Variants in AP3B1 observed in about 807,000 individuals in gnomAD.
AP3B1 encodes the protein AP-3 complex subunit beta-1.
Under a neutral mutation model 132.5 loss-of-function variants are expected in AP3B1, and 61 were observed. The ratio of observed to expected loss-of-function variants is 0.46; its 90% CI spans 0.37 to 0.57. The LOEUF (loss-of-function observed/expected upper bound fraction) is 0.57. AP3B1 is among the 20% of genes least tolerant of loss of function. The pLI is 0.00. For missense variants in AP3B1, 1,120 were observed against 1,289.4 expected, an observed-to-expected ratio of 0.87 and a Z score of 2.01; for synonymous variants, 388 against 438.3, an observed-to-expected ratio of 0.89 and a Z score of 1.43.
chr5:78,096,892 T>C lies in AP3B1; in HGVS notation c.2470+4061A>G, dbSNP rs1358850705. Among the ~76,000 whole-genome samples the C allele has an allele frequency of 2.6e-4, 29 of 110,400 alleles. No individual in the cohort carries two copies. The South Asian group carries it at 3.1e-3, about 12-fold the overall frequency. The allele number at this position is 110,400 out of a possible 152,430, so 72.4% of individuals were successfully genotyped here. Reference sequence around the variant, plus strand: ...CCCCGTCCGGGAGGGAGGTAGGGGGTCAGCCCCCCGCCCGGCCAGCCGCCC... The same window carrying C: ...CCCCGTCCGGGAGGGAGGTAGGGGGCCAGCCCCCCGCCCGGCCAGCCGCCC... On this transcript the variant is annotated intron_variant, in intron 21 of 26. Coordinates refer to ENST00000255194, the MANE Select transcript of AP3B1 (RefSeq NM_003664.5).
intron 22 of AP3B1, among the ~76,000 whole-genome samples, chr5:78,081,401 G>A (rs568999249): frequency 7.0e-6 from 1 of 143,024 alleles, no homozygotes; most frequent in East Asian, 2.2e-4. Flanking sequence ...TCCGCCTCCC[G>A]GGTTCACGCC....
chr5:78,179,069 A>G (rs1314609218), intron 8 of AP3B1, among the ~76,000 whole-genome samples: 4 of 152,342 alleles, frequency 2.6e-5, no homozygotes, highest in South Asian at 2.1e-4. Context: ...AACTGCAAAT[A>G]TAAGTTGGTT....
At chr5:78,241,935 C>T (rs1203150005) in intron 2 of AP3B1, among the ~76,000 whole-genome samples, 2 of 152,154 alleles carry the variant, frequency 1.3e-5, no homozygotes, top group Admixed American at 6.6e-5. Flanking sequence ...AGAAGAGTAA[C>T]TAAGTCCTGC....
intron 2 of AP3B1, among the ~76,000 whole-genome samples, chr5:78,253,375 T>C (rs1747717743): frequency 1.3e-5 from 2 of 152,210 alleles, no homozygotes; most frequent in South Asian, 2.1e-4. Context: ...CACAGCATTA[T>C]TGGGCTTGGG....
intron 15 of AP3B1, among the ~76,000 whole-genome samples, chr5:78,137,843 A>G (rs1376841125): frequency 2.0e-5 from 3 of 152,218 alleles, no homozygotes. Flanking sequence ...ACAAATAAAT[A>G]CAATATGCTA....
chr5:78,199,967 T>C (rs1745225144), intron 7 of AP3B1, among the ~76,000 whole-genome samples: 1 of 152,060 alleles, frequency 6.6e-6, no homozygotes. Flanking sequence ...ACTGAGTCAC[T>C]GGGGAAAAAA....
chr5:78,249,632 A>C (rs1223486839), intron 2 of AP3B1, among the ~76,000 whole-genome samples: 2 of 127,780 alleles, frequency 1.6e-5, no homozygotes, highest in East Asian at 4.5e-4. Flanking sequence ...GGCACAGGCT[A>C]GACGGCAATG....
intron 22 of AP3B1, among the ~76,000 whole-genome samples, chr5:78,073,316 TTGGCACTGTTTTTAAGGGGA>T (rs1749625441): frequency 1.3e-5 from 2 of 152,180 alleles, no homozygotes; most frequent in Non-Finnish European, 2.9e-5. Flanking sequence ...AGAAAAAAAT[TTGGCACTGTTTTTAAGGGGA>T]ACAGTGGTAA....
intron 9 of AP3B1, among the ~76,000 whole-genome samples, 197 bp from the exon 10 acceptor site, chr5:78,176,035 C>T (rs751815835): frequency 3.9e-4 from 59 of 152,130 alleles, no homozygotes; most frequent in Non-Finnish European, 5.6e-4. Flanking sequence ...ATAAATTAGA[C>T]GTGATTCATC....
At chr5:78,149,121 A>G (rs1442006867) in intron 14 of AP3B1, among the ~76,000 whole-genome samples, 3 of 152,218 alleles carry the variant, frequency 2.0e-5, no homozygotes, top group African/African-American at 7.2e-5. Context: ...GCAAAAGGAA[A>G]TAATAAAAAA....
intron 1 of AP3B1, among the ~76,000 whole-genome samples, chr5:78,289,378 T>A (rs4613678): frequency 0.066 from 10,012 of 152,302 alleles, 502 homozygotes; most frequent in East Asian, 0.14. Context: ...TCAGGCTTTA[T>A]TGATGCAATC....
rs560113962 is a variant in AP3B1 at position 78,081,300 on chromosome 5, A to ATTT, written c.2577+8090_2577+8092dup. ...AGCCTATTTTTCACAGCATTACTTC[A>ATTT]TTTTTTTTTTTTTTTTTTTTTTTTT... On this transcript the variant is annotated intron_variant, in intron 22 of 26. Coordinates refer to ENST00000255194, the MANE Select transcript of AP3B1 (RefSeq NM_003664.5). Among the ~76,000 whole-genome samples, 386 of 100,846 alleles carry ATTT rather than the reference A, an allele frequency of 3.8e-3. 2 individuals carry two copies. The highest frequency in any genetic ancestry group is 6.4e-3 in the East Asian group (20 of 3,130). The allele number at this position is 100,846 out of a possible 152,430, so 66.2% of individuals were successfully genotyped here. A position where few individuals can be genotyped will look rare whatever the true frequency, so the allele number is the denominator to read the frequency against.
intron 17 of AP3B1, among the ~76,000 whole-genome samples, chr5:78,119,239 A>G (rs1752029405): frequency 6.6e-6 from 1 of 152,294 alleles, no homozygotes; most frequent in East Asian, 1.9e-4. Flanking sequence ...AAAGATGGGG[A>G]AAAAACAGAG....
intron 2 of AP3B1, among the ~76,000 whole-genome samples, chr5:78,262,552 G>T (rs957470079): frequency 6.6e-6 from 1 of 152,132 alleles, no homozygotes; most frequent in African/African-American, 2.4e-5. Context: ...CGTCAGGGTT[G>T]ATTTCTGAGC....
chr5:78,273,059 A>ACATATATGTATGCATATACAT (rs1342589241), intron 1 of AP3B1, among the ~76,000 whole-genome samples: 1 of 152,138 alleles, frequency 6.6e-6, no homozygotes. Flanking sequence ...ACACACACAC[A>ACATATATGTATGCATATACAT]AGTACTCTTA....
chr5:78,239,305 T>C (rs1747012634), intron 3 of AP3B1, among the ~76,000 whole-genome samples: 1 of 151,442 alleles, frequency 6.6e-6, no homozygotes, highest in African/African-American at 2.4e-5. Context: ...GCCCTGTCTC[T>C]GTTCAAAATA....
chr5:78,287,537 A>T (rs1749332601), intron 1 of AP3B1, among the ~76,000 whole-genome samples: 1 of 152,180 alleles, frequency 6.6e-6, no homozygotes, highest in Non-Finnish European at 1.5e-5. Context: ...CACCACTGAA[A>T]TGACAATCCT....
chr5:78,192,007 T>C (rs373252410), intron 7 of AP3B1, among the ~76,000 whole-genome samples: 1 of 151,948 alleles, frequency 6.6e-6, no homozygotes, highest in African/African-American at 2.4e-5. Context: ...GTTACAGGCA[T>C]GCACCACCAC....
Position 78,113,746 on chromosome 5 carries a change from A to T in AP3B1, c.2249+6T>A. On this transcript the variant is annotated splice_donor_region_variant and intron_variant, in intron 19 of 26. Transcript: ENST00000255194. ...TTTTGAAGGAAATTCTGACAAAATAAGTTACCTTTTTCCTTTGGCTTTTGA... is the reference window on the plus strand; with the variant it reads ...TTTTGAAGGAAATTCTGACAAAATATGTTACCTTTTTCCTTTGGCTTTTGA... 1.9e-6 allele frequency: 3 copies of T among 1,613,588 alleles called. No individual in the cohort carries two copies. Among genetic ancestry groups the T allele is most frequent in the Non-Finnish European group, 2.5e-6 (3 of 1,180,018 alleles).
Sources: allele counts gnomAD v4.1 joint callset (sites outside exome capture counted in the v4.1 genomes callset), GRCh38; gene constraint gnomAD v4.1.1; transcripts MANE v1.5; gene names NCBI Gene and HGNC (gene_info 2026-07-23, HGNC 2026-07-21).